The following SHOC2 variants were observed in gnomAD, a reference collection of about 807,000 sequenced individuals.
SHOC2 encodes the protein leucine-rich repeat protein SHOC-2.
Under a neutral mutation model 50.2 loss-of-function variants are expected in SHOC2, and 4 were observed. The observed-to-expected ratio is 0.08, with a 90% CI of 0.04 to 0.18. The LOEUF (loss-of-function observed/expected upper bound fraction) is 0.18. Ranked by LOEUF, SHOC2 falls within the 10% of genes least tolerant of loss-of-function variation. The probability of loss-of-function intolerance (pLI) is 1.00; values close to 1 mark genes in which losing one functional copy is unlikely to be tolerated. For missense variants in SHOC2, 388 were observed against 669.6 expected, an observed-to-expected ratio of 0.58 and a Z score of 4.64; for synonymous variants, 218 against 244.5, an observed-to-expected ratio of 0.89 and a Z score of 1.01.
intron 2 of SHOC2, among the ~76,000 whole-genome samples, chr10:110,980,141 C>T (rs1430243095): frequency 5.3e-5 from 8 of 150,862 alleles, no homozygotes; most frequent in Non-Finnish European, 1.2e-4. Flanking sequence ...AAGCGTTGTT[C>T]TACCCCATTC....
chr10:110,988,072 A>G (rs1052384920), intron 3 of SHOC2, among the ~76,000 whole-genome samples: 17 of 152,158 alleles, frequency 1.1e-4, no homozygotes, highest in Admixed American at 7.9e-4. Context: ...AAAAACCCGG[A>G]TAATAAGACC....
chr10:111,009,951 A>ATTT, intron 8 of SHOC2, 121 bp downstream of exon 8: 1 of 559,686 alleles, frequency 1.8e-6, no homozygotes, highest in African/African-American at 1.9e-5. Context: ...CAGGCTTAAG[A>ATTT]TTTTTTTTTT....
In SHOC2 at chr10:110,921,490, C is replaced by A. The variant is rs543711435; in HGVS notation, c.-235+1833C>A. The stretch of plus-strand genomic sequence containing the variant: ...TGAAATCCCAGTTTCAAATTATGGA[C>A]ATGTCTTTAAGGGTACTGCATTTTC... On this transcript the variant is annotated intron_variant, in intron 1 of 8. Transcript: ENST00000369452. 4.6e-5 allele frequency among the ~76,000 whole-genome samples: 7 copies of A among 152,192 alleles called. No homozygotes were observed. The South Asian group carries it at 1.5e-3, about 32-fold the overall frequency.
intron 2 of SHOC2, among the ~76,000 whole-genome samples, chr10:110,982,153 A>G (rs1278892636): frequency 4.1e-5 from 6 of 147,912 alleles, no homozygotes; most frequent in East Asian, 2.0e-4. Context: ...ATGATTTCCA[A>G]TTTCATCCAT....
At chr10:110,994,277 T>G (rs971658220) in intron 3 of SHOC2, among the ~76,000 whole-genome samples, 2 of 152,214 alleles carry the variant, frequency 1.3e-5, no homozygotes, top group African/African-American at 4.8e-5. Context: ...AGGAATGGAA[T>G]AGGCAAGGGA....
intron 1 of SHOC2, among the ~76,000 whole-genome samples, chr10:110,960,427 G>C (rs987248927): frequency 2.0e-5 from 3 of 152,292 alleles, no homozygotes; most frequent in East Asian, 1.9e-4. Context: ...TTTTATCTCT[G>C]AAATCCAACA....
rs1355471371 is a variant in SHOC2, at chr10:110,936,748, C to T, written c.-235+17091C>T. On this transcript the variant is annotated intron_variant, in intron 1 of 8. Coordinates refer to ENST00000369452, the MANE Select transcript of SHOC2 (RefSeq NM_007373.4). The stretch of plus-strand genomic sequence containing the variant: ...TCTTCCGGTAGTGGATTTTGGCTTT[C>T]TCTTTCCTCTTCTCCTCCAGGGTGG... 6 of 965,912 alleles carry T rather than the reference C, an allele frequency of 6.2e-6. No homozygotes were observed. The South Asian group carries it at 6.7e-5, about 11-fold the overall frequency. 59.8% of individuals were successfully genotyped at this position (965,912 alleles called of 1,614,324 possible). A position where few individuals can be genotyped will look rare whatever the true frequency, so the allele number is the denominator to read the frequency against.
intron 3 of SHOC2, among the ~76,000 whole-genome samples, chr10:110,989,616 A>C (rs1848144352): frequency 6.6e-6 from 1 of 152,186 alleles, no homozygotes; most frequent in Non-Finnish European, 1.5e-5. Context: ...ATAAGAGGCC[A>C]GTCCATTTTC....
chr10:110,979,037 G>T (rs1362458718), intron 2 of SHOC2, among the ~76,000 whole-genome samples: 1 of 152,114 alleles, frequency 6.6e-6, no homozygotes. Flanking sequence ...TCTTTGTTTT[G>T]GGTATCAGGC....
upstream of SHOC2, chr10:110,919,546 TG>T (rs1564697402): frequency 3.2e-5 from 1 of 31,138 alleles, no homozygotes; most frequent in Admixed American, 4.8e-4. Flanking sequence ...GCGGGGCGAG[TG>T]GGGGAGGGGC....
At chr10:110,992,905 T>G (rs1358001280) in intron 3 of SHOC2, among the ~76,000 whole-genome samples, 1 of 152,208 alleles carries the variant, frequency 6.6e-6, no homozygotes, top group African/African-American at 2.4e-5. Context: ...CTACTATTTT[T>G]TTTGCTACTT....
chr10:111,002,146 G>A (rs889985862), intron 4 of SHOC2, among the ~76,000 whole-genome samples: 4 of 152,114 alleles, frequency 2.6e-5, no homozygotes, highest in Non-Finnish European at 4.4e-5. Flanking sequence ...TAGGAAATAC[G>A]GATTTTCCTG....
At chr10:110,979,555 T>G (rs1468731670) in intron 2 of SHOC2, among the ~76,000 whole-genome samples, 2 of 152,198 alleles carry the variant, frequency 1.3e-5, no homozygotes, top group Non-Finnish European at 2.9e-5. Context: ...TTAACTTTGG[T>G]CTCCCTGTAT....
rs1564705752 is a variant in SHOC2 at position 110,940,910 on chromosome 10, G to GGTT, written c.-235+21253_-235+21254insGTT. 2.5e-4 allele frequency among the ~76,000 whole-genome samples: 30 copies of GGTT among 119,504 alleles called. 13 individuals carry two copies. The highest frequency in any genetic ancestry group is 3.8e-4 in the African/African-American group (12 of 31,418). 78.4% of individuals were successfully genotyped at this position (119,504 alleles called of 152,430 possible). ...GACAAAATAGTGGTATTTGTGGTGG[G>GGTT]TTTTTTTTTTTTTTTTTTTTTTTTT... On this transcript the variant is annotated intron_variant, in intron 1 of 8. Coordinates refer to ENST00000369452, the MANE Select transcript of SHOC2 (RefSeq NM_007373.4).
chr10:110,964,332 G>A lies in SHOC2; in HGVS notation c.-27G>A, dbSNP rs1847629849. 1.9e-6 allele frequency: 3 copies of A among 1,609,280 alleles called. No homozygotes were observed. The highest frequency in any genetic ancestry group is 2.5e-6 in the Non-Finnish European group (3 of 1,177,572). On this transcript the variant is annotated 5_prime_UTR_variant, in exon 2 of 9. An upstream start codon of the reference 5' UTR is lost. Transcript: ENST00000369452. The surrounding 1 kb of genome is among the most constrained non-coding windows in gnomAD (Gnocchi z 4.9). ...TTACTGGAAAATAAAAGGAGTTCAT[G>A]TAGTTTTTGTCCAGGCTTGAGTCAC...
chr10:110,970,325 T>C (rs958224138), intron 2 of SHOC2, among the ~76,000 whole-genome samples: 1 of 152,222 alleles, frequency 6.6e-6, no homozygotes, highest in African/African-American at 2.4e-5. Context: ...CTCATTTCAC[T>C]TAACATAATG....
intron 1 of SHOC2, among the ~76,000 whole-genome samples, chr10:110,959,782 A>G (rs1847537745): frequency 6.6e-6 from 1 of 152,210 alleles, no homozygotes; most frequent in South Asian, 2.1e-4. Context: ...ATTAAACACG[A>G]AATTATTACT....
At chr10:110,963,101 A>AT (rs1419669842) in intron 1 of SHOC2, among the ~76,000 whole-genome samples, 1 of 152,206 alleles carries the variant, frequency 6.6e-6, no homozygotes, top group Non-Finnish European at 1.5e-5. Flanking sequence ...GTAAGAAGTT[A>AT]TTTTATCTTT....
intron 1 of SHOC2, among the ~76,000 whole-genome samples, chr10:110,939,720 A>C: frequency 6.6e-6 from 1 of 152,170 alleles, no homozygotes; most frequent in Middle Eastern, 3.2e-3. Context: ...TTTTTCTCCT[A>C]GGCAAGAGAA....
Sources: allele counts gnomAD v4.1 joint callset (sites outside exome capture counted in the v4.1 genomes callset), GRCh38; gene constraint gnomAD v4.1.1; non-coding constraint Gnocchi (gnomAD v3.1); transcripts MANE v1.5; gene names NCBI Gene and HGNC (gene_info 2026-07-23, HGNC 2026-07-21).